Variants in KLRD1 observed in about 807,000 individuals in gnomAD.
KLRD1 encodes killer cell lectin like receptor D1, also known as natural killer cells antigen CD94.
In KLRD1, 21 loss-of-function variants were observed where a neutral mutation model predicts 22.6. The ratio of observed to expected loss-of-function variants is 0.93; its 90% CI spans 0.66 to 1.34. The LOEUF (loss-of-function observed/expected upper bound fraction) is 1.34. Among genes scored for constraint, KLRD1 ranks in the 40% most tolerant of loss-of-function variants. The probability of loss-of-function intolerance (pLI) is 0.00; values close to 1 mark genes in which losing one functional copy is unlikely to be tolerated. For synonymous variants in KLRD1, 59 were observed against 71.1 expected, an observed-to-expected ratio of 0.83 and a Z score of 0.85; for missense variants, 183 against 208.6, an observed-to-expected ratio of 0.88 and a Z score of 0.76.
Position 10,326,608 on chromosome 12 carries a change from C to G in KLRD1, c.*11815C>G, listed in dbSNP as rs776388966. ...ACCTTTTTGTTTCTGATTAGCCTTT[C>G]CAAAGGAGGCAATCAGATATGCATT... is the stretch of plus-strand genomic sequence containing the variant. On this transcript the variant is annotated 3_prime_UTR_variant, in exon 6 of 6. Transcript: ENST00000336164. 3.9e-5 allele frequency: 6 copies of G among 152,148 alleles called. No homozygotes were observed. Among genetic ancestry groups the G allele is most frequent in the Non-Finnish European group, 7.4e-5 (5 of 68,024 alleles). The allele number at this position is 152,148 out of a possible 1,614,324, so 9.4% of individuals were successfully genotyped here.
chr12:10,309,608 T>C lies in KLRD1; in HGVS notation c.101-18T>C. ...AAACCCATACCTAATTAAACAAATT[T>C]CTAATCATTTCTTATAGCTTTTACT... On this transcript the variant is annotated intron_variant, in intron 2 of 5. Coordinates refer to ENST00000336164, the MANE Select transcript of KLRD1 (RefSeq NM_002262.5). 6.3e-7 allele frequency: 1 copy of C among 1,591,076 alleles called. No individual in the cohort carries two copies. The highest frequency in any genetic ancestry group is 1.1e-5 in the South Asian group (1 of 90,222).
rs60673819 is a variant in KLRD1, at chr12:10,324,843, T to TATATATATATATATATATATATATATATA, written c.*10050_*10051insATATATATATATATATATATATATATATA. ...GTATATATATATATATATATATATATTCATTTACACAGTTGATTCTAAGTG... is the reference window on the plus strand; with the variant it reads ...GTATATATATATATATATATATATATATATATATATATATATATATATATATATATCATTTACACAGTTGATTCTAAGTG... On this transcript the variant is annotated 3_prime_UTR_variant, in exon 6 of 6. Coordinates refer to ENST00000336164, the MANE Select transcript of KLRD1 (RefSeq NM_002262.5). 7.0e-6 allele frequency: 1 copy of TATATATATATATATATATATATATATATA among 141,874 alleles called. No individual in the cohort carries two copies. Among genetic ancestry groups the TATATATATATATATATATATATATATATA allele is most frequent in the Non-Finnish European group, 1.5e-5 (1 of 64,648 alleles). 8.8% of individuals were successfully genotyped at this position (141,874 alleles called of 1,614,324 possible).
intron 1 of KLRD1, among the ~76,000 whole-genome samples, chr12:10,248,531 T>TTCCTTCCC (rs1332749690): frequency 2.7e-4 from 1 of 3,698 alleles, no homozygotes; most frequent in East Asian, 3.6e-3. Context: ...GTATTTTCTT[T>TTCCTTCCC]TCCTTCCTTC....
At chr12:10,247,737 A>G in intron 1 of KLRD1, among the ~76,000 whole-genome samples, 1 of 152,092 alleles carries the variant, frequency 6.6e-6, no homozygotes, top group East Asian at 1.9e-4. Context: ...TGCTATTCTC[A>G]TGATAGTGAG....
rs1555113906 is a variant in KLRD1, at chr12:10,324,818, GTATATATA to G, written c.*10043_*10050del. 1.1e-3 allele frequency: 84 copies of G among 74,158 alleles called. 2 individuals carry two copies. In the South Asian group the frequency reaches 0.016, roughly 14 times the overall value. 4.6% of individuals were successfully genotyped at this position (74,158 alleles called of 1,614,324 possible). A position where few individuals can be genotyped will look rare whatever the true frequency, so the allele number is the denominator to read the frequency against. On this transcript the variant is annotated 3_prime_UTR_variant, in exon 6 of 6. Coordinates refer to ENST00000336164, the MANE Select transcript of KLRD1 (RefSeq NM_002262.5). ...AGTATATATGTATATGTGTGTGTGT[GTATATATA>G]TATATATATATATATATTCATTTAC...
At chr12:10,302,496 T>C (rs1040258980), upstream of KLRD1, among the ~76,000 whole-genome samples, 8 of 152,190 alleles carry the variant, frequency 5.3e-5, no homozygotes, top group African/African-American at 1.9e-4. Context: ...ACCAGTATTG[T>C]AGCAGAGAAA....
At chr12:10,302,896 C>T (rs566959603), upstream of KLRD1, among the ~76,000 whole-genome samples, 1 of 152,286 alleles carries the variant, frequency 6.6e-6, no homozygotes, top group East Asian at 1.9e-4. Context: ...TACACTTTAG[C>T]AGAGCTCAGG....
At chr12:10,249,613 T>C (rs1949326323) in intron 1 of KLRD1, among the ~76,000 whole-genome samples, 2 of 152,298 alleles carry the variant, frequency 1.3e-5, no homozygotes, top group South Asian at 4.1e-4. Flanking sequence ...TTGCAACCAG[T>C]GGAGAAACTC....
At chr12:10,302,402 T>C (rs1949873930), upstream of KLRD1, among the ~76,000 whole-genome samples, 1 of 152,160 alleles carries the variant, frequency 6.6e-6, no homozygotes. Flanking sequence ...CAGGTAAGTG[T>C]CACCCAGTGC....
intron 1 of KLRD1, among the ~76,000 whole-genome samples, chr12:10,291,672 C>T (rs956706126): frequency 6.0e-5 from 9 of 149,572 alleles, no homozygotes; most frequent in African/African-American, 1.7e-4. Flanking sequence ...ACAAGCAGAA[C>T]GTGCAGGTTT....
chr12:10,319,708 T>C lies in KLRD1; in HGVS notation c.*4915T>C, dbSNP rs374865423. ...CCATGCTATGAGCCTTCTTTGCTTG[T>C]ATAGGCTCCAGTCTTAGTCAAGCCT... On this transcript the variant is annotated 3_prime_UTR_variant, in exon 6 of 6. Transcript: ENST00000336164. 2.6e-5 allele frequency: 4 copies of C among 152,086 alleles called. No individual in the cohort carries two copies. The highest frequency in any genetic ancestry group is 9.7e-5 in the African/African-American group (4 of 41,450). 9.4% of individuals were successfully genotyped at this position (152,086 alleles called of 1,614,324 possible).
upstream of KLRD1, among the ~76,000 whole-genome samples, chr12:10,306,262 G>A (rs573842240): frequency 4.1e-4 from 62 of 151,888 alleles, 1 homozygote; most frequent in Non-Finnish European, 8.4e-4. Context: ...CTGTGTGTGT[G>A]TATGTGTGTG....
At chr12:10,246,768 AT>A (rs1343183679) in intron 1 of KLRD1, among the ~76,000 whole-genome samples, 1 of 152,002 alleles carries the variant, frequency 6.6e-6, no homozygotes, top group Non-Finnish European at 1.5e-5. Context: ...AGGTTTTTTA[AT>A]TTGTTTTGGC....
chr12:10,257,393 G>C (rs1445034395), intron 1 of KLRD1, among the ~76,000 whole-genome samples: 1 of 148,740 alleles, frequency 6.7e-6, no homozygotes, highest in Non-Finnish European at 1.5e-5. Flanking sequence ...AAATCTCTTA[G>C]TCTCTGTTCA....
intron 1 of KLRD1, among the ~76,000 whole-genome samples, chr12:10,288,990 T>C (rs1326251142): frequency 1.3e-5 from 2 of 152,186 alleles, no homozygotes; most frequent in East Asian, 3.9e-4. Flanking sequence ...AGTTAGGGCA[T>C]CCTTTTACCT....
chr12:10,255,530 T>G lies in KLRD1; in HGVS notation c.-101+29297T>G, dbSNP rs77813547. ...GCATCCCGTATGTTTTGGTATGTTG[T>G]GTTTTTATTTTCATTAGCTTTAAGA... On this transcript the variant is annotated intron_variant, in intron 1 of 5. Coordinates refer to the KLRD1 transcript ENST00000544747. Among the ~76,000 whole-genome samples the G allele has an allele frequency of 3.9e-3, 598 of 152,306 alleles. 8 individuals are homozygous for G. The highest frequency in any genetic ancestry group is 0.014 in the African/African-American group (569 of 41,554).
rs1038402314 is a variant in KLRD1, at chr12:10,324,444, G to A, written c.*9651G>A. Reference sequence around the variant, plus strand: ...TATTGTTTCCTTTTTTTGTGTGCCTGTGTACTCCATGGTTAGCTCCCACTT... The same window carrying A: ...TATTGTTTCCTTTTTTTGTGTGCCTATGTACTCCATGGTTAGCTCCCACTT... On this transcript the variant is annotated 3_prime_UTR_variant, in exon 6 of 6. Transcript: ENST00000336164. 6.6e-6 allele frequency: 1 copy of A among 151,634 alleles called. No homozygotes were observed. The highest frequency in any genetic ancestry group is 2.4e-5 in the African/African-American group (1 of 41,244). The allele number at this position is 151,634 out of a possible 1,614,324, so 9.4% of individuals were successfully genotyped here.
intron 1 of KLRD1, among the ~76,000 whole-genome samples, chr12:10,253,049 A>AT (rs1186406242): frequency 2.0e-5 from 3 of 151,914 alleles, no homozygotes; most frequent in Non-Finnish European, 2.9e-5. Flanking sequence ...TGCTTTTAAT[A>AT]TTTTTTTATC....
At chr12:10,288,954 G>C (rs945747162) in intron 1 of KLRD1, among the ~76,000 whole-genome samples, 5 of 152,166 alleles carry the variant, frequency 3.3e-5, no homozygotes, top group African/African-American at 9.7e-5. Context: ...TCTCCTGTTT[G>C]AGTATTTATG....
Sources: gnomAD v4.1 joint callset for allele counts (sites outside exome capture counted in the v4.1 genomes callset) on GRCh38, gnomAD v4.1.1 for gene constraint, MANE v1.5 for transcripts, NCBI Gene and HGNC (gene_info 2026-07-23, HGNC 2026-07-21) for gene names.